Variants in HIVEP3 observed in about 807,000 individuals in gnomAD.
HIVEP3 encodes the protein HIVEP zinc finger 3.
A neutral mutation model predicts 152.8 loss-of-function variants in HIVEP3; 49 were observed. The ratio of observed to expected loss-of-function variants is 0.32; its 90% CI spans 0.26 to 0.41. The LOEUF (loss-of-function observed/expected upper bound fraction) is 0.41, where lower values mean the gene tolerates loss of function less well. Ranked by LOEUF, HIVEP3 falls within the 10% of genes least tolerant of loss-of-function variation. The pLI is 1.00. For synonymous variants in HIVEP3, 1,269 were observed against 1,289.0 expected (o/e 0.98, Z 0.33); for missense variants, 2,790 against 3,103.3 (o/e 0.90, Z 2.40).
At chr1:41,925,750 A>ATGACTGTACATACTGTCT in intron 1 of HIVEP3, among the ~76,000 whole-genome samples, 1 of 152,332 alleles carries the variant, frequency 6.6e-6, no homozygotes, top group Middle Eastern at 3.4e-3. Flanking sequence ...ATCAAATTGC[A>ATGACTGTACATACTGTCT]TGACTGTACA....
intron 1 of HIVEP3, among the ~76,000 whole-genome samples, chr1:41,900,205 TCA>T (rs1644598265): frequency 6.6e-6 from 1 of 152,176 alleles, no homozygotes; most frequent in South Asian, 2.1e-4. Context: ...CTCTTTAATC[TCA>T]GTTTCCTCAC....
intron 5 of HIVEP3, among the ~76,000 whole-genome samples, chr1:41,565,667 T>C (rs1219164107): frequency 6.6e-6 from 1 of 152,058 alleles, no homozygotes; most frequent in Non-Finnish European, 1.5e-5. Flanking sequence ...CCCAGCCTGA[T>C]TCCCCAGGAC....
intron 2 of HIVEP3, among the ~76,000 whole-genome samples, chr1:41,681,917 G>C (rs1465355070): frequency 1.3e-5 from 2 of 152,164 alleles, no homozygotes; most frequent in Non-Finnish European, 2.9e-5. Flanking sequence ...TCTGGGAATG[G>C]TGAAGCCCTG....
At chr1:41,525,721 A>G (rs1429124033) in intron 5 of HIVEP3, among the ~76,000 whole-genome samples, 3 of 152,198 alleles carry the variant, frequency 2.0e-5, no homozygotes, top group African/African-American at 7.2e-5. Context: ...CTGAAGCACG[A>G]ATCAGAATGC....
intron 5 of HIVEP3, among the ~76,000 whole-genome samples, chr1:41,570,660 A>G (rs956538102): frequency 2.0e-5 from 3 of 152,216 alleles, no homozygotes; most frequent in Non-Finnish European, 2.9e-5. Context: ...CAGGAAACCA[A>G]GAGGACAAAG....
At chr1:41,550,056 G>A (rs1319126987) in intron 5 of HIVEP3, among the ~76,000 whole-genome samples, 9 of 152,124 alleles carry the variant, frequency 5.9e-5, no homozygotes, top group Admixed American at 5.9e-4. Context: ...TTTGTATAAG[G>A]TGTAAGGAAG....
Position 41,581,874 on chromosome 1 carries a change from A to G in HIVEP3, c.2924T>C (p.Met975Thr), listed in dbSNP as rs1269867897. ...TGGGTGGTGGCTGGGGACAGTCAAC[A>G]TGTGGGTGCCCAGGGGTTTGGGGCG... ...DMRPKPLGTHMLTVPSHHPHA... is the reference protein window; with the variant it reads ...DMRPKPLGTHTLTVPSHHPHA... Residue 975 changes from methionine to threonine, a missense_variant, in exon 4 of 9, where the codon ATG becomes ACG. Transcript: ENST00000372583. The surrounding 1 kb of genome is among the most constrained non-coding windows in gnomAD (Gnocchi z 4.5). 2 of 1,611,410 alleles carry G rather than the reference A, an allele frequency of 1.2e-6. No individual in the cohort carries two copies. The highest frequency in any genetic ancestry group is 2.7e-5 in the African/African-American group (2 of 74,886).
intron 3 of HIVEP3, among the ~76,000 whole-genome samples, chr1:41,599,948 C>T (rs1294039532): frequency 1.3e-5 from 2 of 152,010 alleles, no homozygotes; most frequent in Non-Finnish European, 2.9e-5. Context: ...TACAAATGGC[C>T]AAGAAGCACG....
intron 1 of HIVEP3, among the ~76,000 whole-genome samples, chr1:41,785,761 C>G (rs1230462693): frequency 6.6e-6 from 1 of 152,194 alleles, no homozygotes; most frequent in Non-Finnish European, 1.5e-5. Flanking sequence ...CTTTGGGAGA[C>G]CAAGGTGGGT....
At chr1:41,797,726 T>G (rs533991727) in intron 1 of HIVEP3, among the ~76,000 whole-genome samples, 1 of 152,310 alleles carries the variant, frequency 6.6e-6, no homozygotes, top group African/African-American at 2.4e-5. Flanking sequence ...CGGTGGCTCA[T>G]GCCTGTAATT....
chr1:41,802,617 G>A (rs1233489538), intron 1 of HIVEP3, among the ~76,000 whole-genome samples: 1 of 152,196 alleles, frequency 6.6e-6, no homozygotes, highest in African/African-American at 2.4e-5. Context: ...CATTGCCAAA[G>A]TGCCAACATC....
At chr1:41,659,988 G>A (rs1321739493) in intron 2 of HIVEP3, among the ~76,000 whole-genome samples, 1 of 152,226 alleles carries the variant, frequency 6.6e-6, no homozygotes, top group African/African-American at 2.4e-5. Context: ...GCAGATGTGT[G>A]AGTATGAACA....
intron 6 of HIVEP3, among the ~76,000 whole-genome samples, chr1:41,521,940 C>T (rs914778422): frequency 1.3e-5 from 2 of 152,356 alleles, no homozygotes; most frequent in Non-Finnish European, 2.9e-5. Context: ...ACCACAGGGC[C>T]ACCCACAGGC....
chr1:41,607,108 C>T (rs1278972911), intron 3 of HIVEP3, among the ~76,000 whole-genome samples: 1 of 152,116 alleles, frequency 6.6e-6, no homozygotes, highest in African/African-American at 2.4e-5. Flanking sequence ...TAGGTGTGAG[C>T]CACCAAGCCT....
chr1:41,675,167 C>A (rs1645936118), intron 2 of HIVEP3, among the ~76,000 whole-genome samples: 1 of 152,180 alleles, frequency 6.6e-6, no homozygotes, highest in South Asian at 2.1e-4. Flanking sequence ...CAATGGCTTC[C>A]TTCTGCTATT....
intron 1 of HIVEP3, among the ~76,000 whole-genome samples, chr1:41,948,898 T>C (rs762247072): frequency 2.0e-5 from 3 of 152,090 alleles, no homozygotes; most frequent in Non-Finnish European, 2.9e-5. Context: ...CTTCAGGCCA[T>C]ACATTTCAAT....
intron 1 of HIVEP3, among the ~76,000 whole-genome samples, chr1:41,828,678 T>C (rs990443313): frequency 1.3e-5 from 2 of 152,198 alleles, no homozygotes; most frequent in Non-Finnish European, 2.9e-5. Context: ...CTTCATTGTA[T>C]AGATGAAGAA....
At chr1:41,565,394 T>G (rs1570359) in intron 5 of HIVEP3, among the ~76,000 whole-genome samples, 2 of 145,492 alleles carry the variant, frequency 1.4e-5, no homozygotes, top group African/African-American at 2.6e-5. Context: ...TGGTGACCGG[T>G]GGGTGGGTGG....
intron 1 of HIVEP3, among the ~76,000 whole-genome samples, chr1:42,001,652 C>T (rs1246693785): frequency 6.6e-6 from 1 of 152,210 alleles, no homozygotes; most frequent in African/African-American, 2.4e-5. Context: ...CAGTATCTTC[C>T]ACCAAGCCTG....
Sources: gnomAD v4.1 joint callset for allele counts (sites outside exome capture counted in the v4.1 genomes callset) on GRCh38, gnomAD v4.1.1 for gene constraint, Gnocchi (gnomAD v3.1) non-coding constraint, MANE v1.5 for transcripts, NCBI Gene and HGNC (gene_info 2026-07-23, HGNC 2026-07-21) for gene names.